KCNMB2: variants seen among roughly 807,000 people sequenced by gnomAD.
KCNMB2 encodes the protein potassium calcium-activated channel subfamily M regulatory beta subunit 2.
A neutral mutation model predicts 24.5 loss-of-function variants in KCNMB2; 9 were observed. That is an observed-to-expected ratio of 0.37 (90% CI 0.22 to 0.64). The LOEUF (loss-of-function observed/expected upper bound fraction) is 0.64. KCNMB2 is among the 30% of genes least tolerant of loss of function. The pLI is 0.63. For synonymous variants in KCNMB2, 109 were observed against 104.4 expected, an observed-to-expected ratio of 1.04 and a Z score of -0.27; for missense variants, 226 against 284.3, an observed-to-expected ratio of 0.79 and a Z score of 1.47.
intron 1 of KCNMB2, among the ~76,000 whole-genome samples, chr3:178,752,249 G>A (rs189457431): frequency 6.6e-6 from 1 of 152,198 alleles, no homozygotes. Context: ...AGAATTGTTA[G>A]GAATAGCAAT....
At chr3:178,660,824 A>C (rs1352723889) in intron 1 of KCNMB2, among the ~76,000 whole-genome samples, 1 of 152,020 alleles carries the variant, frequency 6.6e-6, no homozygotes, top group Non-Finnish European at 1.5e-5. Context: ...AGGGCCTGAC[A>C]CTGACAGTTA....
chr3:178,756,891 T>G (rs1279468653), intron 1 of KCNMB2, among the ~76,000 whole-genome samples: 1 of 151,980 alleles, frequency 6.6e-6, no homozygotes, highest in African/African-American at 2.4e-5. Flanking sequence ...ATCACAGCTT[T>G]CCTGAGCTTA....
At chr3:178,585,214 A>G (rs549469082) in intron 1 of KCNMB2, among the ~76,000 whole-genome samples, 1 of 152,342 alleles carries the variant, frequency 6.6e-6, no homozygotes, top group African/African-American at 2.4e-5. Flanking sequence ...CTTTGGCAGA[A>G]CTTGTTAAGA....
intron 1 of KCNMB2, among the ~76,000 whole-genome samples, chr3:178,542,059 C>T (rs950891799): frequency 1.3e-5 from 2 of 152,166 alleles, no homozygotes; most frequent in Non-Finnish European, 2.9e-5. Flanking sequence ...GCAGGGGCCA[C>T]GTGTGTCAGG....
chr3:178,831,194 T>C (rs539643214), intron 4 of KCNMB2, among the ~76,000 whole-genome samples: 1 of 152,296 alleles, frequency 6.6e-6, no homozygotes, highest in African/African-American at 2.4e-5. Flanking sequence ...ATTTTTAGAA[T>C]CTCATTTCTT....
chr3:178,806,683 CATAATAATAATA>C (rs61194423), intron 1 of KCNMB2, among the ~76,000 whole-genome samples: 20 of 147,840 alleles, frequency 1.4e-4, no homozygotes, highest in Non-Finnish European at 2.2e-4. Context: ...AAAGCCAAGT[CATAATAATAATA>C]ATAATAATAA....
At chr3:178,827,030 T>C (rs1460881539) in intron 3 of KCNMB2, among the ~76,000 whole-genome samples, 1 of 152,168 alleles carries the variant, frequency 6.6e-6, no homozygotes, top group Non-Finnish European at 1.5e-5. Flanking sequence ...GGATCAGGTC[T>C]AGTATCCTGC....
chr3:178,556,302 T>A (rs1716122266), intron 1 of KCNMB2, among the ~76,000 whole-genome samples: 3 of 152,158 alleles, frequency 2.0e-5, no homozygotes. Flanking sequence ...ACTTAAGCAA[T>A]CATTTTAGGG....
chr3:178,611,803 A>G (rs1014316125), intron 1 of KCNMB2, among the ~76,000 whole-genome samples: 2 of 152,090 alleles, frequency 1.3e-5, no homozygotes, highest in African/African-American at 4.8e-5. Flanking sequence ...TATGGGATTG[A>G]CTTGCTCTTG....
rs146065507 is a variant in KCNMB2, at chr3:178,762,347, T to C, written c.-67-44996T>C. 5.2e-3 allele frequency among the ~76,000 whole-genome samples: 787 copies of C among 152,158 alleles called. 7 individuals carry two copies. The highest frequency in any genetic ancestry group is 0.016 in the South Asian group (78 of 4,818). ...GTAAGGAATGGAACATTCCAGGACA[T>C]GAGAACAGTATATGCAAAAGCCCTG... On this transcript the variant is annotated intron_variant, in intron 1 of 4. Coordinates refer to ENST00000452583, the MANE Select transcript of KCNMB2 (RefSeq NM_181361.3).
chr3:178,655,160 G>A (rs1049584637), intron 1 of KCNMB2, among the ~76,000 whole-genome samples: 1 of 138,098 alleles, frequency 7.2e-6, no homozygotes, highest in Admixed American at 7.6e-5. Flanking sequence ...ATTTCTCTGG[G>A]ACTTAGTGAA....
chr3:178,626,107 A>G (rs1719107007), intron 1 of KCNMB2, among the ~76,000 whole-genome samples: 1 of 152,206 alleles, frequency 6.6e-6, no homozygotes, highest in Non-Finnish European at 1.5e-5. Context: ...AGGAAAATGG[A>G]AAATGATGGG....
chr3:178,613,637 TG>T (rs1403895488), intron 1 of KCNMB2, among the ~76,000 whole-genome samples: 1 of 152,166 alleles, frequency 6.6e-6, no homozygotes, highest in Non-Finnish European at 1.5e-5. Context: ...AGTTTAAATA[TG>T]TCATGCCACT....
At chr3:178,650,409 C>T (rs927731049) in intron 1 of KCNMB2, among the ~76,000 whole-genome samples, 6 of 152,030 alleles carry the variant, frequency 3.9e-5, no homozygotes, top group South Asian at 2.1e-4. Flanking sequence ...TTTTCTGTCT[C>T]GATGATCTGT....
chr3:178,574,644 G>T (rs953856547), intron 1 of KCNMB2, among the ~76,000 whole-genome samples: 1 of 152,178 alleles, frequency 6.6e-6, no homozygotes, highest in Non-Finnish European at 1.5e-5. Flanking sequence ...GTGCCCAGCT[G>T]TTGCCCAGTC....
chr3:178,641,843 G>A (rs936572318), intron 1 of KCNMB2, among the ~76,000 whole-genome samples: 2 of 151,944 alleles, frequency 1.3e-5, no homozygotes, highest in Admixed American at 6.5e-5. Flanking sequence ...TTCCTAGTTT[G>A]TTGAGAGTTT....
intron 1 of KCNMB2, among the ~76,000 whole-genome samples, chr3:178,715,782 G>C (rs1211581940): frequency 2.6e-5 from 4 of 152,076 alleles, no homozygotes; most frequent in African/African-American, 9.7e-5. Flanking sequence ...CCTATCACTG[G>C]TGTTACAAAG....
chr3:178,668,128 A>G (rs1212501329), intron 1 of KCNMB2, among the ~76,000 whole-genome samples: 1 of 152,266 alleles, frequency 6.6e-6, no homozygotes, highest in East Asian at 1.9e-4. Flanking sequence ...CTATTCACCC[A>G]CGGAACATGT....
At chr3:178,779,423 A>G (rs1339209206) in intron 1 of KCNMB2, among the ~76,000 whole-genome samples, 1 of 152,238 alleles carries the variant, frequency 6.6e-6, no homozygotes, top group Non-Finnish European at 1.5e-5. Flanking sequence ...TTGTACTGGC[A>G]TAGGTAAAAA....
Sources: allele counts gnomAD v4.1 joint callset (sites outside exome capture counted in the v4.1 genomes callset), GRCh38; gene constraint gnomAD v4.1.1; transcripts MANE v1.5; gene names NCBI Gene and HGNC (gene_info 2026-07-23, HGNC 2026-07-21).